The following FARP1 variants were observed in gnomAD, a reference collection of about 807,000 sequenced individuals.
The protein encoded by FARP1 is FERM, ARH/RhoGEF and pleckstrin domain protein 1.
In FARP1, 52 loss-of-function variants were observed where a neutral mutation model predicts 128.8. The observed-to-expected ratio is 0.40, with a 90% confidence interval of 0.32 to 0.51. The LOEUF (loss-of-function observed/expected upper bound fraction) is 0.51. FARP1 is among the 20% of genes least tolerant of loss of function. FARP1 has a pLI of 0.45. For synonymous variants in FARP1, 580 were observed against 551.8 expected (o/e 1.05, Z -0.72); for missense variants, 1,333 against 1,367.9 (o/e 0.97, Z 0.40).
Position 98,411,957 on chromosome 13 carries a change from C to T in FARP1, c.1749C>T (p.Leu583=). ...CCATGCCGGAAGCACTGAAAAGTCTCATATTCCCGAATTTTGAACCTTTGC... is the reference window on the plus strand; with the variant it reads ...CCATGCCGGAAGCACTGAAAAGTCTTATATTCCCGAATTTTGAACCTTTGC... ...EDAMPEALKS[L]IFPNFEPLHK... is the part of the protein sequence containing the mutation. The change falls in exon 16 of 27, where the codon CTC becomes CTT. Residue 583 remains leucine, a synonymous_variant. Coordinates refer to ENST00000319562, the MANE Select transcript of FARP1 (RefSeq NM_005766.4). 1.2e-6 allele frequency: 2 copies of T among 1,614,034 alleles called. No individual in the cohort carries two copies. Among genetic ancestry groups the T allele is most frequent in the Non-Finnish European group, 1.7e-6 (2 of 1,179,892 alleles).
At chr13:98,193,600 G>A (rs1343431587) in intron 1 of FARP1, among the ~76,000 whole-genome samples, 1 of 152,196 alleles carries the variant, frequency 6.6e-6, no homozygotes, top group African/African-American at 2.4e-5. Flanking sequence ...GTAAGTTTCT[G>A]GAGACATTCT....
chr13:98,375,384 T>C (rs1348193748), intron 5 of FARP1, among the ~76,000 whole-genome samples: 2 of 152,170 alleles, frequency 1.3e-5, no homozygotes. Context: ...CACTTACAAT[T>C]TTTTTGCCAA....
intron 2 of FARP1, among the ~76,000 whole-genome samples, chr13:98,309,912 C>T (rs1886377991): frequency 6.6e-6 from 1 of 152,196 alleles, no homozygotes; most frequent in African/African-American, 2.4e-5. Flanking sequence ...TATTCCGCAT[C>T]TGTAATCCTG....
intron 1 of FARP1, among the ~76,000 whole-genome samples, chr13:98,200,048 C>T (rs575874932): frequency 6.6e-6 from 1 of 152,186 alleles, no homozygotes; most frequent in Non-Finnish European, 1.5e-5. Context: ...GATATGTGCT[C>T]TACCGAATCA....
In FARP1 at chr13:98,440,137, T is replaced by C. The variant is rs1892463611; in HGVS notation, c.2531T>C (p.Met844Thr). 25 of 1,613,782 alleles carry C rather than the reference T, an allele frequency of 1.5e-5. No homozygotes were observed. Among genetic ancestry groups the C allele is most frequent in the Non-Finnish European group, 2.0e-5 (24 of 1,179,842 alleles). ...IIVAASSRSEMEKWVEDIQMA... is the reference protein window; with the variant it reads ...IIVAASSRSETEKWVEDIQMA... ...TCTGTCTCCAGTTCTCGGTCCGAGA[T>C]GGAGAAGTGGGTTGAGGACATCCAG... is the stretch of plus-strand genomic sequence containing the variant. The change falls in exon 23 of 27, where the codon ATG becomes ACG. Residue 844 changes from methionine to threonine, a missense_variant. Coordinates refer to ENST00000319562, the MANE Select transcript of FARP1 (RefSeq NM_005766.4).
At chr13:98,243,688 C>T (rs1594314254) in intron 2 of FARP1, among the ~76,000 whole-genome samples, 1 of 131,410 alleles carries the variant, frequency 7.6e-6, no homozygotes, top group Non-Finnish European at 1.6e-5. Context: ...CAGAGAGAGA[C>T]TCCATCTCAA....
intron 2 of FARP1, among the ~76,000 whole-genome samples, chr13:98,218,297 C>T (rs932459404): frequency 1.3e-5 from 2 of 152,172 alleles, no homozygotes; most frequent in South Asian, 4.1e-4. Context: ...GTGCTGATAG[C>T]TCACCTCCAA....
intron 1 of FARP1, among the ~76,000 whole-genome samples, chr13:98,209,057 G>T (rs911888791): frequency 6.6e-6 from 1 of 152,176 alleles, no homozygotes; most frequent in African/African-American, 2.4e-5. Context: ...CACCCAGGCT[G>T]GAGTGCAGTG....
At chr13:98,238,304 T>G (rs1882555978) in intron 2 of FARP1, among the ~76,000 whole-genome samples, 1 of 152,192 alleles carries the variant, frequency 6.6e-6, no homozygotes. Flanking sequence ...GAGGTGACGC[T>G]GTTGAGGATG....
intron 2 of FARP1, among the ~76,000 whole-genome samples, chr13:98,246,414 C>A (rs1274369806): frequency 1.3e-5 from 2 of 152,090 alleles, no homozygotes; most frequent in Non-Finnish European, 2.9e-5. Flanking sequence ...TCTTAATTCT[C>A]ATCTGTAGAT....
intron 26 of FARP1, 136 bp downstream of exon 26, chr13:98,446,953 C>G: frequency 1.1e-6 from 1 of 870,966 alleles, no homozygotes; most frequent in Non-Finnish European, 1.8e-6. Context: ...TGGGGTCCCA[C>G]TGCCCGACAC....
intron 14 of FARP1, among the ~76,000 whole-genome samples, chr13:98,410,205 C>T (rs186361990): frequency 1.4e-4 from 21 of 152,324 alleles, no homozygotes; most frequent in South Asian, 1.2e-3. Context: ...GTTGAATGGC[C>T]GGCCTCCTCC....
intron 6 of FARP1, chr13:98,384,224 G>A (rs553202199): frequency 1.9e-3 from 284 of 152,892 alleles, no homozygotes; most frequent in Middle Eastern, 3.4e-3. Context: ...ATGGAGTCTT[G>A]CTCTGTCGCC....
intron 2 of FARP1, among the ~76,000 whole-genome samples, chr13:98,258,639 A>G (rs1424226623): frequency 6.6e-6 from 1 of 152,068 alleles, no homozygotes; most frequent in Non-Finnish European, 1.5e-5. Flanking sequence ...GGATCTCTTG[A>G]GGCCAGGAGA....
In FARP1 at chr13:98,202,905, A is replaced by C. The variant is rs142486739; in HGVS notation, c.-23-10315A>C. Among the ~76,000 whole-genome samples, 53 of 152,100 alleles carry C rather than the reference A, an allele frequency of 3.5e-4. No homozygotes were observed. In the East Asian group the frequency reaches 9.7e-3, roughly 28 times the overall value. On this transcript the variant is annotated intron_variant, in intron 1 of 26. Transcript: ENST00000319562. Reference sequence around the variant, plus strand: ...TGGGTAGTTTTTAAATTTTTTGTGGAGACGGGGTTTTGCTATGTTGCCTAG... The same window carrying C: ...TGGGTAGTTTTTAAATTTTTTGTGGCGACGGGGTTTTGCTATGTTGCCTAG...
At chr13:98,184,562 T>C (rs1594243601) in intron 1 of FARP1, among the ~76,000 whole-genome samples, 2 of 152,212 alleles carry the variant, frequency 1.3e-5, no homozygotes, top group East Asian at 1.9e-4. Flanking sequence ...TCACCTGTTG[T>C]TGCTTCTTAA....
intron 2 of FARP1, among the ~76,000 whole-genome samples, chr13:98,307,393 C>T (rs756576262): frequency 2.0e-5 from 3 of 152,094 alleles, no homozygotes; most frequent in Non-Finnish European, 4.4e-5. Flanking sequence ...TCCTGAAACG[C>T]GTCCCTTGCC....
chr13:98,211,870 C>G (rs1046935563), intron 1 of FARP1, among the ~76,000 whole-genome samples: 12 of 152,228 alleles, frequency 7.9e-5, no homozygotes, highest in Non-Finnish European at 1.6e-4. Flanking sequence ...TTGACCTCCA[C>G]TCCGTGTGAG....
chr13:98,424,504 T>C (rs1390105353), intron 16 of FARP1, 68 bp from the exon 17 acceptor site: 11 of 1,003,314 alleles, frequency 1.1e-5, no homozygotes, highest in South Asian at 3.9e-5. Context: ...TAGGCTGATA[T>C]TTGTAACCCA....
Sources: allele counts gnomAD v4.1 joint callset (sites outside exome capture counted in the v4.1 genomes callset), GRCh38; gene constraint gnomAD v4.1.1; transcripts MANE v1.5; gene names NCBI Gene and HGNC (gene_info 2026-07-23, HGNC 2026-07-21).